The following MYO1E variants were observed in gnomAD, a reference collection of about 807,000 sequenced individuals.
MYO1E encodes the protein myosin IE, also known as unconventional myosin-Ie.
MYO1E carries 68 observed loss-of-function variants against 151.1 expected under a neutral mutation model. The ratio of observed to expected loss-of-function variants is 0.45; its 90% CI spans 0.37 to 0.55. The LOEUF (loss-of-function observed/expected upper bound fraction) is 0.55. Among genes scored for constraint, MYO1E ranks in the 20% least tolerant of loss-of-function variants. MYO1E has a pLI of 0.00. For synonymous variants in MYO1E, 601 were observed against 501.7 expected, an observed-to-expected ratio of 1.20 and a Z score of -2.64; for missense variants, 1,363 against 1,389.3, an observed-to-expected ratio of 0.98 and a Z score of 0.30.
intron 1 of MYO1E, among the ~76,000 whole-genome samples, chr15:59,339,947 A>G (rs2080754021): frequency 6.6e-6 from 1 of 151,294 alleles, no homozygotes; most frequent in Non-Finnish European, 1.5e-5. Context: ...TTCTGGGTTC[A>G]AGCAATTCTC....
At chr15:59,219,832 CT>C (rs11289293) in intron 9 of MYO1E, among the ~76,000 whole-genome samples, 9,803 of 152,246 alleles carry the variant, frequency 0.064, 1,007 homozygotes, top group African/African-American at 0.22. Flanking sequence ...TTTGTAGAAT[CT>C]GCAAGTGGAT....
At chr15:59,232,310 T>C (rs1265417482) in intron 5 of MYO1E, among the ~76,000 whole-genome samples, 1 of 152,204 alleles carries the variant, frequency 6.6e-6, no homozygotes, top group Non-Finnish European at 1.5e-5. Context: ...TATTCATGAA[T>C]CACCTGGGGA....
chr15:59,324,395 G>T (rs1475734856), intron 1 of MYO1E, among the ~76,000 whole-genome samples: 1 of 152,222 alleles, frequency 6.6e-6, no homozygotes, highest in Admixed American at 6.5e-5. Context: ...TCTGTGGAGA[G>T]CCTTGTGCTA....
At chr15:59,358,297 C>A (rs1027233789) in intron 1 of MYO1E, among the ~76,000 whole-genome samples, 1 of 152,040 alleles carries the variant, frequency 6.6e-6, no homozygotes, top group Non-Finnish European at 1.5e-5. Flanking sequence ...GGAGAGAGCT[C>A]CCTTTGGTTT....
At chr15:59,346,148 T>C (rs2080792877) in intron 1 of MYO1E, among the ~76,000 whole-genome samples, 1 of 152,174 alleles carries the variant, frequency 6.6e-6, no homozygotes, top group Admixed American at 6.5e-5. Context: ...TAGGCAGAAT[T>C]AACACATCTT....
At chr15:59,367,937 T>G (rs746442231) in intron 1 of MYO1E, among the ~76,000 whole-genome samples, 1 of 151,970 alleles carries the variant, frequency 6.6e-6, no homozygotes, top group Non-Finnish European at 1.5e-5. Context: ...CTGGCCAACA[T>G]GGTAAAACCC....
intron 4 of MYO1E, among the ~76,000 whole-genome samples, chr15:59,251,437 G>A (rs1449686496): frequency 6.6e-6 from 1 of 152,176 alleles, no homozygotes; most frequent in Non-Finnish European, 1.5e-5. Flanking sequence ...ATAAATTTAT[G>A]ATTCATAACC....
At chr15:59,367,485 C>T (rs1418912920) in intron 1 of MYO1E, among the ~76,000 whole-genome samples, 1 of 152,188 alleles carries the variant, frequency 6.6e-6, no homozygotes, top group Non-Finnish European at 1.5e-5. Flanking sequence ...GCAGCCTCAC[C>T]ACTCGTGGAA....
intron 2 of MYO1E, among the ~76,000 whole-genome samples, chr15:59,265,530 GACTA>G (rs1179250199): frequency 6.6e-6 from 1 of 152,072 alleles, no homozygotes; most frequent in Non-Finnish European, 1.5e-5. Flanking sequence ...ATTTATTTTG[GACTA>G]TTCTAGGCCA....
chr15:59,306,406 G>A (rs1355438469), intron 1 of MYO1E, among the ~76,000 whole-genome samples: 1 of 152,158 alleles, frequency 6.6e-6, no homozygotes, highest in African/African-American at 2.4e-5. Flanking sequence ...AAGCATAAAA[G>A]ATACTGAACG....
chr15:59,243,656 T>A (rs1454924857), intron 4 of MYO1E, among the ~76,000 whole-genome samples: 1 of 152,140 alleles, frequency 6.6e-6, no homozygotes, highest in Non-Finnish European at 1.5e-5. Flanking sequence ...AGGAACCCCA[T>A]GAACAGCACA....
At chr15:59,201,797 C>A (rs185576092) in intron 16 of MYO1E, among the ~76,000 whole-genome samples, 1 of 152,190 alleles carries the variant, frequency 6.6e-6, no homozygotes, top group Non-Finnish European at 1.5e-5. Context: ...CTGAGAAACA[C>A]TGTAAGATTT....
intron 1 of MYO1E, among the ~76,000 whole-genome samples, chr15:59,371,080 T>C (rs1016708452): frequency 6.6e-6 from 1 of 152,186 alleles, no homozygotes; most frequent in Non-Finnish European, 1.5e-5. Context: ...TTCTCTTAGA[T>C]GGGGCAAAAG....
chr15:59,353,465 T>C, intron 1 of MYO1E, among the ~76,000 whole-genome samples: 1 of 149,826 alleles, frequency 6.7e-6, no homozygotes, highest in Non-Finnish European at 1.5e-5. Flanking sequence ...TTGTCAAAGG[T>C]GAAGAAACAG....
At chr15:59,308,999 G>A (rs2080533338) in intron 1 of MYO1E, among the ~76,000 whole-genome samples, 1 of 152,072 alleles carries the variant, frequency 6.6e-6, no homozygotes, top group African/African-American at 2.4e-5. Context: ...TGTGGTCCCA[G>A]CTACTTGGGA....
intron 19 of MYO1E, among the ~76,000 whole-genome samples, chr15:59,177,975 G>C (rs1355727641): frequency 1.3e-5 from 2 of 152,230 alleles, no homozygotes; most frequent in African/African-American, 4.8e-5. Flanking sequence ...CTAACCATGG[G>C]TGGGACACTG....
chr15:59,282,251 A>G (rs1463089172), intron 1 of MYO1E, among the ~76,000 whole-genome samples: 5 of 152,164 alleles, frequency 3.3e-5, no homozygotes, highest in African/African-American at 1.2e-4. Context: ...TCACAAGTAG[A>G]ACCTACCCTA....
intron 4 of MYO1E, among the ~76,000 whole-genome samples, chr15:59,252,485 C>G (rs550363621): frequency 9.4e-4 from 143 of 152,204 alleles, no homozygotes; most frequent in Non-Finnish European, 1.4e-3. Context: ...GAGGCTAAGA[C>G]AGGCGGATTA....
chr15:59,368,928 C>T (rs1292985179), intron 1 of MYO1E, among the ~76,000 whole-genome samples: 3 of 152,200 alleles, frequency 2.0e-5, no homozygotes, highest in Non-Finnish European at 4.4e-5. Flanking sequence ...CTAGGATGGC[C>T]CACTCACACT....
Sources: gnomAD v4.1 joint callset for allele counts (sites outside exome capture counted in the v4.1 genomes callset) on GRCh38, gnomAD v4.1.1 for gene constraint, MANE v1.5 for transcripts, NCBI Gene and HGNC (gene_info 2026-07-23, HGNC 2026-07-21) for gene names.